AGBL1: variants seen among roughly 807,000 people sequenced by gnomAD.
AGBL1 encodes AGBL carboxypeptidase 1.
Under a neutral mutation model 118.9 loss-of-function variants are expected in AGBL1, and 130 were observed. That is an observed-to-expected ratio of 1.09 (90% CI 0.95 to 1.26). AGBL1 has a LOEUF of 1.26. AGBL1 is among the 50% of genes most tolerant of loss of function. The probability of loss-of-function intolerance (pLI) is 0.00; values close to 1 mark genes in which losing one functional copy is unlikely to be tolerated. For missense variants in AGBL1, 1,584 were observed against 1,298.1 expected (o/e 1.22, Z -3.38); for synonymous variants, 555 against 478.9 (o/e 1.16, Z -2.08).
intron 9 of AGBL1, 149 bp from the exon 10 acceptor site, chr15:86,262,629 C>A (rs1279707750): frequency 2.4e-5 from 17 of 698,076 alleles, no homozygotes; most frequent in Non-Finnish European, 4.2e-5. Context: ...TCCAGCATAA[C>A]AAATTCTTCA....
At chr15:86,341,083 C>T (rs1415896165) in intron 17 of AGBL1, among the ~76,000 whole-genome samples, 2 of 152,182 alleles carry the variant, frequency 1.3e-5, no homozygotes. Context: ...CATGCAAAGT[C>T]CAGGTCTCCC....
At chr15:86,691,122 G>A (rs774403950) in intron 22 of AGBL1, among the ~76,000 whole-genome samples, 10 of 152,038 alleles carry the variant, frequency 6.6e-5, no homozygotes, top group African/African-American at 1.7e-4. Flanking sequence ...TATTTGTTAC[G>A]TGATATGGAA....
chr15:86,262,744 G>T lies in AGBL1; in HGVS notation c.970-34G>T. 2.1e-6 allele frequency: 3 copies of T among 1,427,966 alleles called. No homozygotes were observed. In the South Asian group the frequency reaches 3.6e-5, roughly 17 times the overall value. 88.5% of individuals were successfully genotyped at this position (1,427,966 alleles called of 1,614,324 possible). ...TGATGCTTCTCAGGGTGGATTTCCT[G>T]ACTGTAATCTCTTCTATGACTATTC... On this transcript the variant is annotated intron_variant, in intron 9 of 22. Transcript: ENST00000614907.
intron 24 of AGBL1, among the ~76,000 whole-genome samples, chr15:87,027,400 C>A (rs899076439): frequency 1.3e-5 from 2 of 151,654 alleles, no homozygotes; most frequent in East Asian, 3.9e-4. Context: ...GGCAGAAATA[C>A]CATTTGACCG....
intron 17 of AGBL1, among the ~76,000 whole-genome samples, chr15:86,392,890 A>G (rs1255909304): frequency 1.3e-5 from 2 of 152,194 alleles, no homozygotes; most frequent in African/African-American, 2.4e-5. Context: ...CTAAGCAGAC[A>G]CGAGTTACTA....
intron 23 of AGBL1, among the ~76,000 whole-genome samples, chr15:86,944,474 C>G (rs577513441): frequency 6.6e-6 from 1 of 152,046 alleles, no homozygotes; most frequent in Non-Finnish European, 1.5e-5. Flanking sequence ...ACATACTGAG[C>G]TGAGTTAGGG....
intron 21 of AGBL1, among the ~76,000 whole-genome samples, chr15:86,621,454 G>T (rs889833933): frequency 2.0e-5 from 3 of 152,216 alleles, no homozygotes; most frequent in Non-Finnish European, 4.4e-5. Context: ...GCTTCTGGTA[G>T]TTGCCAGCAA....
intron 17 of AGBL1, among the ~76,000 whole-genome samples, chr15:86,355,939 G>A (rs1308514499): frequency 6.6e-6 from 1 of 152,168 alleles, no homozygotes; most frequent in Non-Finnish European, 1.5e-5. Flanking sequence ...ATTTAATGAT[G>A]CACTCATGGG....
At chr15:86,781,548 C>G (rs1432935924) in intron 22 of AGBL1, among the ~76,000 whole-genome samples, 1 of 152,116 alleles carries the variant, frequency 6.6e-6, no homozygotes, top group African/African-American at 2.4e-5. Flanking sequence ...TTTTAAGACA[C>G]AAAAATCATC....
chr15:86,264,392 A>C lies in AGBL1; in HGVS notation c.1221A>C (p.Arg407Ser), dbSNP rs764219474. 2 of 1,613,878 alleles carry C rather than the reference A, an allele frequency of 1.2e-6. No homozygotes were observed. Among genetic ancestry groups the C allele is most frequent in the Admixed American group, 1.7e-5 (1 of 60,006 alleles). ...ACCAAAGCTCCTGTGGGCAAGAAAG[A>C]GAATATGCTGTCCAGACTTCCCTTC... Reference protein sequence around the residue: ...SKDQSSCGQEREYAVQTSLLC... With the variant: ...SKDQSSCGQESEYAVQTSLLC... The change falls in exon 11 of 23, where the codon AGA (arginine) becomes AGC (serine). Residue 407 changes from arginine to serine, a missense_variant. Transcript: ENST00000614907.
intron 21 of AGBL1, among the ~76,000 whole-genome samples, chr15:86,639,035 G>A (rs2085149828): frequency 6.6e-6 from 1 of 152,190 alleles, no homozygotes; most frequent in Non-Finnish European, 1.5e-5. Flanking sequence ...TTGCTTCATT[G>A]ATGCTGCAGC....
chr15:86,971,565 G>A (rs1284526560), intron 23 of AGBL1, among the ~76,000 whole-genome samples: 3 of 151,646 alleles, frequency 2.0e-5, no homozygotes, highest in Non-Finnish European at 4.4e-5. Flanking sequence ...CTATGAGAAA[G>A]GTAAAAGAAA....
At chr15:86,691,157 G>A (rs2086161033) in intron 22 of AGBL1, among the ~76,000 whole-genome samples, 1 of 152,072 alleles carries the variant, frequency 6.6e-6, no homozygotes, top group Non-Finnish European at 1.5e-5. Context: ...AAATAATACT[G>A]TTGTGTGGTG....
intron 23 of AGBL1, among the ~76,000 whole-genome samples, chr15:86,970,147 G>T (rs2081092378): frequency 6.6e-6 from 1 of 151,814 alleles, no homozygotes; most frequent in Non-Finnish European, 1.5e-5. Flanking sequence ...TGGAGCCCAG[G>T]CCAAGGCAGC....
rs529531036 is a variant in AGBL1 at position 86,139,777 on chromosome 15, TA to T, written c.52-2222del. 90 of 146,420 alleles carry T rather than the reference TA, an allele frequency of 6.1e-4. No individual in the cohort carries two copies. In the South Asian group the frequency reaches 0.012, roughly 19 times the overall value. 9.1% of individuals were successfully genotyped at this position (146,420 alleles called of 1,614,324 possible). A position where few individuals can be genotyped will look rare whatever the true frequency, so the allele number is the denominator to read the frequency against. On this transcript the variant is annotated intron_variant, in intron 1 of 22. Coordinates refer to ENST00000614907, the MANE Select transcript of AGBL1 (RefSeq NM_001386094.1). Reference sequence around the variant, plus strand: ...TACATTAATTGATTTTTTTTTTTTTTAAAAACCAGGGCATTCCTTAGTTTAA... The same window carrying T: ...TACATTAATTGATTTTTTTTTTTTTTAAAACCAGGGCATTCCTTAGTTTAA...
At chr15:86,931,449 G>C (rs1338114243) in intron 23 of AGBL1, among the ~76,000 whole-genome samples, 1 of 152,010 alleles carries the variant, frequency 6.6e-6, no homozygotes, top group Non-Finnish European at 1.5e-5. Flanking sequence ...GGAATGTTTG[G>C]CCTTACCATG....
At chr15:86,807,907 C>T (rs7175323) in intron 22 of AGBL1, among the ~76,000 whole-genome samples, 73,672 of 151,908 alleles carry the variant, frequency 0.48, 19,739 homozygotes, top group Non-Finnish European at 0.62. Flanking sequence ...TTCCACCCTC[C>T]AGTTAGAGGC....
At chr15:86,560,282 C>A (rs1204569194) in intron 21 of AGBL1, among the ~76,000 whole-genome samples, 2 of 139,920 alleles carry the variant, frequency 1.4e-5, no homozygotes, top group Admixed American at 7.3e-5. Flanking sequence ...TAATGCTATC[C>A]CTCCCCCCTC....
chr15:86,728,423 G>T (rs1248244836), intron 22 of AGBL1, among the ~76,000 whole-genome samples: 2 of 152,152 alleles, frequency 1.3e-5, no homozygotes, highest in African/African-American at 4.8e-5. Flanking sequence ...GTCCACAACT[G>T]CCCAGGCTTA....
Sources: gnomAD v4.1 joint callset for allele counts (sites outside exome capture counted in the v4.1 genomes callset) on GRCh38, gnomAD v4.1.1 for gene constraint, MANE v1.5 for transcripts, NCBI Gene and HGNC (gene_info 2026-07-23, HGNC 2026-07-21) for gene names.